TAFA1: variants seen among roughly 807,000 people sequenced by gnomAD.
TAFA1 encodes the protein chemokine-like protein TAFA-1.
TAFA1 carries 4 observed loss-of-function variants against 18.5 expected under a neutral mutation model. The observed-to-expected ratio is 0.22, with a 90% CI of 0.11 to 0.49. TAFA1 has a LOEUF of 0.49. TAFA1 is among the 20% of genes least tolerant of loss of function. The probability of loss-of-function intolerance (pLI) is 0.98; values close to 1 mark genes in which losing one functional copy is unlikely to be tolerated. For missense variants in TAFA1, 147 were observed against 169.0 expected (o/e 0.87, Z 0.72); for synonymous variants, 56 against 55.2 (o/e 1.01, Z -0.06).
At chr3:68,374,770 A>G (rs1164252280) in intron 2 of TAFA1, among the ~76,000 whole-genome samples, 1 of 152,164 alleles carries the variant, frequency 6.6e-6, no homozygotes, top group Admixed American at 6.6e-5. Flanking sequence ...GTTACTTTTT[A>G]TGCTTTCTTG....
intron 2 of TAFA1, among the ~76,000 whole-genome samples, chr3:68,208,459 G>T (rs893618311): frequency 6.6e-6 from 1 of 151,926 alleles, no homozygotes. Flanking sequence ...GAAAAGAAAT[G>T]ACTCATTTTT....
intron 2 of TAFA1, among the ~76,000 whole-genome samples, chr3:68,076,678 G>C (rs1487453730): frequency 2.6e-5 from 4 of 152,400 alleles, no homozygotes; most frequent in East Asian, 1.9e-4. Flanking sequence ...TGGTGTATAT[G>C]TGCCACATTA....
chr3:68,122,460 G>C (rs184428938), intron 2 of TAFA1, among the ~76,000 whole-genome samples: 2 of 152,074 alleles, frequency 1.3e-5, no homozygotes, highest in Non-Finnish European at 2.9e-5. Context: ...AAAAAGAATC[G>C]CAAATGAAGA....
intron 2 of TAFA1, among the ~76,000 whole-genome samples, chr3:68,196,902 CTTCTGGCCA>C (rs2066417326): frequency 6.6e-6 from 1 of 151,778 alleles, no homozygotes; most frequent in Non-Finnish European, 1.5e-5. Context: ...CAACCACATC[CTTCTGGCCA>C]TTGAAAGTGG....
At chr3:68,445,876 TTTG>T (rs546400375) in intron 3 of TAFA1, among the ~76,000 whole-genome samples, 8 of 152,110 alleles carry the variant, frequency 5.3e-5, no homozygotes, top group Middle Eastern at 3.4e-3. Context: ...TGGCCTAACA[TTTG>T]TTGTTGTTGT....
intron 2 of TAFA1, chr3:68,250,833 A>G (rs529913333): frequency 2.0e-5 from 3 of 151,660 alleles, no homozygotes; most frequent in African/African-American, 7.3e-5. Flanking sequence ...CAGGACAAGG[A>G]TCTATTTTCA....
At chr3:68,374,697 A>C (rs2069774149) in intron 2 of TAFA1, among the ~76,000 whole-genome samples, 1 of 152,182 alleles carries the variant, frequency 6.6e-6, no homozygotes, top group Non-Finnish European at 1.5e-5. Context: ...CATCATGGTA[A>C]GCATTCATCT....
intron 2 of TAFA1, among the ~76,000 whole-genome samples, chr3:68,050,394 G>A (rs369365902): frequency 1.6e-4 from 24 of 152,276 alleles, no homozygotes; most frequent in African/African-American, 5.3e-4. Flanking sequence ...CTCATAAGGC[G>A]AGGAAATAGA....
At chr3:68,010,629 G>A (rs915307175) in intron 2 of TAFA1, among the ~76,000 whole-genome samples, 16 of 152,118 alleles carry the variant, frequency 1.1e-4, no homozygotes, top group African/African-American at 3.9e-4. Flanking sequence ...CATATTTATA[G>A]TATTAGGAAT....
chr3:68,390,557 T>C (rs1452194734), intron 2 of TAFA1, among the ~76,000 whole-genome samples: 1 of 152,164 alleles, frequency 6.6e-6, no homozygotes, highest in Non-Finnish European at 1.5e-5. Context: ...TGCCTTCTGA[T>C]GGGGAGACAC....
intron 2 of TAFA1, among the ~76,000 whole-genome samples, chr3:68,159,373 C>A (rs573967600): frequency 6.6e-6 from 1 of 152,214 alleles, no homozygotes; most frequent in East Asian, 1.9e-4. Context: ...AAAAATAGTT[C>A]TTCGTGGTAT....
upstream of TAFA1, among the ~76,000 whole-genome samples, chr3:68,001,238 A>G (rs964614162): frequency 4.6e-5 from 7 of 152,198 alleles, no homozygotes; most frequent in African/African-American, 1.2e-4. Context: ...AAATGACCTT[A>G]TTCTTTCTTT....
At chr3:68,210,631 C>A (rs574418791) in intron 2 of TAFA1, among the ~76,000 whole-genome samples, 1 of 152,032 alleles carries the variant, frequency 6.6e-6, no homozygotes, top group Non-Finnish European at 1.5e-5. Context: ...TTGCCTAACA[C>A]GTGTACCCAT....
chr3:68,049,365 G>A (rs1332408386), intron 2 of TAFA1, among the ~76,000 whole-genome samples: 2 of 152,056 alleles, frequency 1.3e-5, no homozygotes, highest in Non-Finnish European at 2.9e-5. Flanking sequence ...GCCTCTCATT[G>A]TATGAGGATT....
chr3:68,544,796 C>A lies in TAFA1; in HGVS notation c.*293C>A. On this transcript the variant is annotated 3_prime_UTR_variant, in exon 5 of 5. Transcript: ENST00000478136. ...AATTTGAATCTATAGTTACTTTGTACCATTTGAAATATATGTATATATATA... is the reference window on the plus strand; with the variant it reads ...AATTTGAATCTATAGTTACTTTGTAACATTTGAAATATATGTATATATATA... 4.7e-6 allele frequency: 1 copy of A among 214,108 alleles called. No individual in the cohort carries two copies. Among genetic ancestry groups the A allele is most frequent in the South Asian group, 1.0e-4 (1 of 9,954 alleles). 13.3% of individuals were successfully genotyped at this position (214,108 alleles called of 1,614,324 possible).
intron 2 of TAFA1, among the ~76,000 whole-genome samples, chr3:68,081,997 G>A (rs1286285434): frequency 1.3e-5 from 2 of 152,376 alleles, no homozygotes; most frequent in Admixed American, 1.3e-4. Flanking sequence ...TGAGCCAGGT[G>A]CAGGATATAA....
rs570432670 is a variant in TAFA1 at position 68,362,718 on chromosome 3, C to G, written c.119-54562C>G. On this transcript the variant is annotated intron_variant, in intron 2 of 4. Coordinates refer to ENST00000478136, the MANE Select transcript of TAFA1 (RefSeq NM_213609.4). Reference sequence around the variant, plus strand: ...AAGGGGCTACGTAACAGCAAGCTGTCTGAGGGTTTTAGAAGGCAGAACCAA... The same window carrying G: ...AAGGGGCTACGTAACAGCAAGCTGTGTGAGGGTTTTAGAAGGCAGAACCAA... Among the ~76,000 whole-genome samples, 3 of 152,124 alleles carry G rather than the reference C, an allele frequency of 2.0e-5. No individual in the cohort carries two copies. The South Asian group carries it at 6.2e-4, about 32-fold the overall frequency.
chr3:68,187,169 C>T (rs571027810), intron 2 of TAFA1, among the ~76,000 whole-genome samples: 6 of 152,028 alleles, frequency 3.9e-5, no homozygotes, highest in South Asian at 2.1e-4. Context: ...TTGTCTTTTA[C>T]GTGTGTCCTC....
chr3:68,253,088 TA>T, intron 2 of TAFA1, among the ~76,000 whole-genome samples: 1 of 152,262 alleles, frequency 6.6e-6, no homozygotes, highest in South Asian at 2.1e-4. Context: ...CACTCTTGGG[TA>T]TGTCTTTATT....
Sources: gnomAD v4.1 joint callset for allele counts (sites outside exome capture counted in the v4.1 genomes callset) on GRCh38, gnomAD v4.1.1 for gene constraint, MANE v1.5 for transcripts, NCBI Gene and HGNC (gene_info 2026-07-23, HGNC 2026-07-21) for gene names.